The following PCLO variants were observed in gnomAD, a reference collection of about 807,000 sequenced individuals.
The protein encoded by PCLO is protein piccolo.
PCLO carries 82 observed loss-of-function variants against 427.5 expected under a neutral mutation model. That is an observed-to-expected ratio of 0.19 (90% CI 0.16 to 0.23). The LOEUF (loss-of-function observed/expected upper bound fraction) is 0.23. PCLO is among the 10% of genes least tolerant of loss of function. PCLO has a pLI of 1.00. For missense variants in PCLO, 6,239 were observed against 6,115.9 expected (o/e 1.02, Z -0.67); for synonymous variants, 2,357 against 2,155.4 (o/e 1.09, Z -2.59).
chr7:82,849,381 C>A (rs183746113), intron 10 of PCLO, among the ~76,000 whole-genome samples: 3 of 152,128 alleles, frequency 2.0e-5, no homozygotes, highest in African/African-American at 7.2e-5. Flanking sequence ...AATGGAAATT[C>A]TTTTTGCGCC....
At chr7:82,868,882 A>C (rs1254015428) in intron 10 of PCLO, among the ~76,000 whole-genome samples, 1 of 152,186 alleles carries the variant, frequency 6.6e-6, no homozygotes, top group East Asian at 1.9e-4. Context: ...TCTTCAAAAG[A>C]TTTTATTAAA....
At chr7:82,910,159 T>C (rs1045477300) in intron 7 of PCLO, among the ~76,000 whole-genome samples, 2 of 152,040 alleles carry the variant, frequency 1.3e-5, no homozygotes, top group African/African-American at 4.8e-5. Context: ...CCTTTAAAGA[T>C]TTGTTGATGA....
At position 83,156,302 on chromosome 7, in the gene PCLO, A is replaced by G. The variant is rs372805423; in HGVS notation, c.339T>C (p.Ser113=). 21 of 1,612,828 alleles carry G rather than the reference A, an allele frequency of 1.3e-5. No homozygotes were observed. Among genetic ancestry groups the G allele is most frequent in the East Asian group, 2.2e-5 (1 of 44,782 alleles). Residue 113 remains serine, a synonymous_variant, in exon 2 of 25, where the codon AGT becomes AGC. Transcript: ENST00000333891. ...GRPAQPGLSK[S]RTTDTFRSEQ... is the part of the protein sequence containing the mutation. Reference sequence around the variant, plus strand: ...CTGACCTGAAAGTGTCTGTAGTTCTACTTTTACTGAGACCAGGTTGAGCTG... The same window carrying G: ...CTGACCTGAAAGTGTCTGTAGTTCTGCTTTTACTGAGACCAGGTTGAGCTG...
chr7:83,138,655 GA>G lies in PCLO; in HGVS notation c.1894-3000del, dbSNP rs568876208. Among the ~76,000 whole-genome samples the G allele has an allele frequency of 1.1e-4, 16 of 144,390 alleles. No individual in the cohort carries two copies. The South Asian group carries it at 3.1e-3, about 28-fold the overall frequency. 94.7% of individuals were successfully genotyped at this position (144,390 alleles called of 152,430 possible). On this transcript the variant is annotated intron_variant, in intron 2 of 24. Coordinates refer to ENST00000333891, the MANE Select transcript of PCLO (RefSeq NM_033026.6). ...TGACGGAGCAAGACTGTCTCAAAAA[GA>G]AAAAAAAAAGAAGCAGCAGCAAATA... is the stretch of plus-strand genomic sequence containing the variant.
intron 3 of PCLO, among the ~76,000 whole-genome samples, chr7:83,031,000 A>G (rs1384197142): frequency 6.6e-6 from 1 of 152,176 alleles, no homozygotes; most frequent in Non-Finnish European, 1.5e-5. Context: ...ATATGGTGTC[A>G]CAAGGCAGGC....
intron 22 of PCLO, among the ~76,000 whole-genome samples, chr7:82,765,606 A>G (rs1476350009): frequency 6.6e-6 from 1 of 151,948 alleles, no homozygotes; most frequent in East Asian, 1.9e-4. Context: ...TTGGTATAAA[A>G]TGTCTGGTGT....
intron 10 of PCLO, among the ~76,000 whole-genome samples, chr7:82,866,055 C>A (rs1054934319): frequency 1.3e-5 from 2 of 152,154 alleles, no homozygotes; most frequent in Non-Finnish European, 2.9e-5. Context: ...TCAGTTTCAG[C>A]CACGTTGGCT....
At chr7:83,072,259 TTAAG>T (rs1488822130) in intron 3 of PCLO, among the ~76,000 whole-genome samples, 10 of 152,056 alleles carry the variant, frequency 6.6e-5, no homozygotes, top group Admixed American at 2.6e-4. Context: ...TGAAAACCAC[TTAAG>T]TATTTTATGA....
At chr7:83,018,920 A>T (rs1264294520) in intron 3 of PCLO, among the ~76,000 whole-genome samples, 1 of 152,010 alleles carries the variant, frequency 6.6e-6, no homozygotes, top group African/African-American at 2.4e-5. Context: ...ATTAGAGGAA[A>T]CCTGCTTTTT....
At chr7:83,098,813 A>G (rs1790660601) in intron 3 of PCLO, among the ~76,000 whole-genome samples, 1 of 152,124 alleles carries the variant, frequency 6.6e-6, no homozygotes, top group Non-Finnish European at 1.5e-5. Context: ...GTGTTATACT[A>G]TGTCTCTTGA....
chr7:82,820,800 T>C, intron 20 of PCLO: 1 of 1,231,036 alleles, frequency 8.1e-7, no homozygotes, highest in Non-Finnish European at 1.0e-6. Context: ...AACATATTTA[T>C]AGTCATGCTT....
intron 3 of PCLO, among the ~76,000 whole-genome samples, chr7:82,992,550 G>C (rs963684341): frequency 1.3e-5 from 2 of 151,972 alleles, no homozygotes; most frequent in African/African-American, 4.8e-5. Flanking sequence ...TCCTACTTAT[G>C]AGTGAGAACA....
chr7:82,897,351 T>C (rs1793928512), intron 9 of PCLO, among the ~76,000 whole-genome samples: 1 of 151,532 alleles, frequency 6.6e-6, no homozygotes, highest in Non-Finnish European at 1.5e-5. Context: ...ATCTTTAAAG[T>C]TAACAGGTTA....
At chr7:83,104,648 A>G (rs1359619443) in intron 3 of PCLO, among the ~76,000 whole-genome samples, 1 of 152,060 alleles carries the variant, frequency 6.6e-6, no homozygotes, top group African/African-American at 2.4e-5. Context: ...AAATATATCT[A>G]TATTTTTTCT....
At chr7:82,857,013 G>C (rs1188533634) in intron 10 of PCLO, among the ~76,000 whole-genome samples, 1 of 152,066 alleles carries the variant, frequency 6.6e-6, no homozygotes, top group Non-Finnish European at 1.5e-5. Flanking sequence ...ACTTGAAAGA[G>C]CATGCCTCTT....
At position 83,126,405 on chromosome 7, in the gene PCLO, A is replaced by G. The variant is rs1274252452; in HGVS notation, c.3300+7845T>C. 3.9e-5 allele frequency among the ~76,000 whole-genome samples: 6 copies of G among 152,196 alleles called. No homozygotes were observed. In the East Asian group the frequency reaches 1.2e-3, roughly 29 times the overall value. On this transcript the variant is annotated intron_variant, in intron 3 of 24. Coordinates refer to ENST00000333891, the MANE Select transcript of PCLO (RefSeq NM_033026.6). ...GGAATGTTCCTAACACAAATAAATGAGAAATGCTTGAGCTGACAGACAACC... is the reference window on the plus strand; with the variant it reads ...GGAATGTTCCTAACACAAATAAATGGGAAATGCTTGAGCTGACAGACAACC...
At position 82,774,393 on chromosome 7, in the gene PCLO, T is replaced by C. The variant is rs138636902; in HGVS notation, c.15008-12900A>G. Among the ~76,000 whole-genome samples the C allele has an allele frequency of 4.6e-5, 7 of 152,332 alleles. No homozygotes were observed. In the East Asian group the frequency reaches 1.4e-3, roughly 29 times the overall value. The stretch of plus-strand genomic sequence containing the variant: ...TATGCTTTGTACACTGTGCCATTAT[T>C]CCTTTCATTTTGCACAAGTACCAGA... On this transcript the variant is annotated intron_variant, in intron 22 of 24. Coordinates refer to ENST00000333891, the MANE Select transcript of PCLO (RefSeq NM_033026.6).
intron 1 of PCLO, among the ~76,000 whole-genome samples, chr7:83,159,968 T>C (rs778075084): frequency 6.6e-6 from 1 of 152,080 alleles, no homozygotes. Context: ...TTACACCCCA[T>C]TGAACTGATT....
intron 3 of PCLO, among the ~76,000 whole-genome samples, chr7:83,101,819 G>T (rs1307359198): frequency 6.6e-6 from 1 of 152,096 alleles, no homozygotes; most frequent in Non-Finnish European, 1.5e-5. Flanking sequence ...ATCCTCTCCA[G>T]AGATATTCTG....
Sources: gnomAD v4.1 joint callset for allele counts (sites outside exome capture counted in the v4.1 genomes callset) on GRCh38, gnomAD v4.1.1 for gene constraint, MANE v1.5 for transcripts, NCBI Gene and HGNC (gene_info 2026-07-23, HGNC 2026-07-21) for gene names.